Variants in SCN4A observed in about 807,000 individuals in gnomAD.
The protein encoded by SCN4A is sodium voltage-gated channel alpha subunit 4, also known as sodium channel protein type 4 subunit alpha.
SCN4A carries 83 observed loss-of-function variants against 162.0 expected under a neutral mutation model. The ratio of observed to expected loss-of-function variants is 0.51; its 90% CI spans 0.43 to 0.61. The LOEUF (loss-of-function observed/expected upper bound fraction) is 0.61. Among genes scored for constraint, SCN4A ranks in the 20% least tolerant of loss-of-function variants. The pLI is 0.00. For missense variants in SCN4A, 2,196 were observed against 2,462.5 expected (o/e 0.89, Z 2.29); for synonymous variants, 944 against 985.1 (o/e 0.96, Z 0.78).
rs1010260651 is a variant in SCN4A, at chr17:63,945,257, G to A, written c.3720+103C>T. 8 of 1,099,670 alleles carry A rather than the reference G, an allele frequency of 7.3e-6. No homozygotes were observed. The highest frequency in any genetic ancestry group is 3.1e-5 in the African/African-American group (2 of 64,674). The allele number at this position is 1,099,670 out of a possible 1,614,324, so 68.1% of individuals were successfully genotyped here. A position where few individuals can be genotyped will look rare whatever the true frequency, so the allele number is the denominator to read the frequency against. On this transcript the variant is annotated intron_variant, in intron 19 of 23. Transcript: ENST00000435607. The surrounding 1 kb of genome is among the most constrained non-coding windows in gnomAD (Gnocchi z 4.4). The stretch of plus-strand genomic sequence containing the variant: ...CCACAGCATTGGAAGCAGGGTGGGC[G>A]GTCCCCTAACCAGGAGTGACACTGG...
chr17:63,943,399 A>G (rs756881228), intron 22 of SCN4A, among the ~76,000 whole-genome samples: 2 of 152,010 alleles, frequency 1.3e-5, no homozygotes, highest in Admixed American at 6.5e-5. Context: ...GCTCCTGGGT[A>G]GGGTGTCTGG....
rs140517911 is a variant in SCN4A, at chr17:63,941,763, C to T, written c.4519G>A (p.Val1507Ile). The T allele has an allele frequency of 5.4e-5, 87 of 1,614,118 alleles. No individual in the cohort carries two copies. The highest frequency in any genetic ancestry group is 3.7e-4 in the African/African-American group (28 of 75,028). The change falls in exon 24 of 24, where the codon GTC becomes ATC. Residue 1507 changes from valine to isoleucine, a missense_variant. Coordinates refer to ENST00000435607, the MANE Select transcript of SCN4A (RefSeq NM_000334.4). The surrounding 1 kb of genome is among the most constrained non-coding windows in gnomAD (Gnocchi z 6.2). ...SIFGMSNFAY[V>I]KKESGIDDMF... Reference sequence around the variant, plus strand: ...TCATCGATGCCCGACTCCTTCTTGACGTAGGCAAAGTTGGACATGCCGAAG... The same window carrying T: ...TCATCGATGCCCGACTCCTTCTTGATGTAGGCAAAGTTGGACATGCCGAAG...
At chr17:63,954,074 G>A (rs773921528) in intron 13 of SCN4A, among the ~76,000 whole-genome samples, 2 of 152,164 alleles carry the variant, frequency 1.3e-5, no homozygotes, top group Non-Finnish European at 2.9e-5. Flanking sequence ...GGGAGTGAGA[G>A]GGCATGGGGA....
intron 18 of SCN4A, among the ~76,000 whole-genome samples, chr17:63,946,833 C>T (rs1414274934): frequency 6.6e-6 from 1 of 151,972 alleles, no homozygotes; most frequent in African/African-American, 2.4e-5. Flanking sequence ...GGATCGGGGG[C>T]TGAGAGTGGG....
Position 63,968,345 on chromosome 17 carries a change from C to T in SCN4A, c.714G>A (p.Thr238=), listed in dbSNP as rs768454457. The change falls in exon 6 of 24, where the codon ACG becomes ACA. Residue 238 remains threonine (T), a synonymous_variant. Coordinates refer to ENST00000435607, the MANE Select transcript of SCN4A (RefSeq NM_000334.4). ...CCGACTGGATCAGGGCCCCCACGAT[C>T]GTCTTCAGCCCTGACCGCAGAGAGG... The part of the protein sequence containing the change: ...KTITVIPGLK[T]IVGALIQSVK... 1.2e-5 allele frequency: 19 copies of T among 1,596,598 alleles called. No homozygotes were observed. The highest frequency in any genetic ancestry group is 6.8e-5 in the South Asian group (6 of 88,230).
At chr17:63,949,115 T>C (rs372395281) in intron 15 of SCN4A, among the ~76,000 whole-genome samples, 1 of 151,620 alleles carries the variant, frequency 6.6e-6, no homozygotes, top group Non-Finnish European at 1.5e-5. Context: ...TCCAGTGCCA[T>C]GTCCTGAAGG....
chr17:63,965,466 T>C (rs1243793007), intron 8 of SCN4A, among the ~76,000 whole-genome samples: 1 of 151,882 alleles, frequency 6.6e-6, no homozygotes, highest in East Asian at 2.0e-4. Context: ...AGAAGGCAAA[T>C]AAAGTATGGG....
rs768459689 is a variant in SCN4A at position 63,948,670 on chromosome 17, C to A, written c.3085G>T (p.Glu1029Ter). The A allele has an allele frequency of 1.2e-6, 2 of 1,613,670 alleles. No individual in the cohort carries two copies. Among genetic ancestry groups the A allele is most frequent in the Admixed American group, 1.7e-5 (1 of 59,990 alleles). ...ATGAAGGTCTCGAACCAGTTGTGCT[C>A]GACAATCTTGAAGCAGGCCCTGCGC... ...TLRRACFKIVEHNWFETFIVF... is the reference protein window; with the variant it reads ...TLRRACFKIV Residue 1029 changes from glutamate to a stop codon, truncating the protein, a stop_gained, in exon 16 of 24, where the codon GAG becomes TAG. Transcript: ENST00000435607. LOFTEE classifies it high-confidence loss of function.
Position 63,972,548 on chromosome 17 carries a change from GA to G in SCN4A, c.273+20del. The G allele has an allele frequency of 6.3e-7, 1 of 1,595,090 alleles. No homozygotes were observed. The highest frequency in any genetic ancestry group is 1.1e-5 in the South Asian group (1 of 88,840). On this transcript the variant is annotated intron_variant, in intron 1 of 23. Coordinates refer to ENST00000435607, the MANE Select transcript of SCN4A (RefSeq NM_000334.4). The surrounding 1 kb of genome is among the most constrained non-coding windows in gnomAD (Gnocchi z 4.3). ...ATGGATGGATGGCAGACAGACAGAG[GA>G]AGCCTTCCCAGGCCCAGACCTTCTT...
chr17:63,952,327 T>A (rs1183946802), intron 13 of SCN4A, among the ~76,000 whole-genome samples: 3 of 151,848 alleles, frequency 2.0e-5, no homozygotes, highest in Non-Finnish European at 4.4e-5. Context: ...GCCCAGCTAA[T>A]CTTTGTATTT....
chr17:63,951,979 C>T lies in SCN4A; in HGVS notation c.2377-79G>A. 1.2e-6 allele frequency: 1 copy of T among 835,534 alleles called. No individual in the cohort carries two copies. Among genetic ancestry groups the T allele is most frequent in the Non-Finnish European group, 1.8e-6 (1 of 548,038 alleles). 51.8% of individuals were successfully genotyped at this position (835,534 alleles called of 1,614,324 possible). A position where few individuals can be genotyped will look rare whatever the true frequency, so the allele number is the denominator to read the frequency against. On this transcript the variant is annotated intron_variant, in intron 13 of 23. Transcript: ENST00000435607. This position sits in a 1 kb window ranked among gnomAD's most constrained non-coding sequence, Gnocchi z 4.5. ...GCCACCTTCAGCCAGCACAGGGGTC[C>T]TCGGTCTACAGATCCAAACTACCAC...
Position 63,941,770 on chromosome 17 carries a change from A to G in SCN4A, c.4512T>C (p.Phe1504=), listed in dbSNP as rs1262828218. ...FIYSIFGMSN[F]AYVKKESGID... is the part of the protein sequence containing the mutation. The stretch of plus-strand genomic sequence containing the variant: ...TGCCCGACTCCTTCTTGACGTAGGC[A>G]AAGTTGGACATGCCGAAGATGGAGT... Residue 1504 remains phenylalanine, a synonymous_variant, in exon 24 of 24, where the codon TTT becomes TTC. Coordinates refer to ENST00000435607, the MANE Select transcript of SCN4A (RefSeq NM_000334.4). The surrounding 1 kb of genome is among the most constrained non-coding windows in gnomAD (Gnocchi z 6.2). The G allele has an allele frequency of 2.5e-6, 4 of 1,613,988 alleles. No individual in the cohort carries two copies. The highest frequency in any genetic ancestry group is 3.4e-6 in the Non-Finnish European group (4 of 1,180,028).
At position 63,950,646 on chromosome 17, in the gene SCN4A, T is replaced by C. The variant is rs1179535009; in HGVS notation, c.2853+778A>G. On this transcript the variant is annotated intron_variant, in intron 14 of 23. Coordinates refer to ENST00000435607, the MANE Select transcript of SCN4A (RefSeq NM_000334.4). This position sits in a 1 kb window ranked among gnomAD's most constrained non-coding sequence, Gnocchi z 4.6. ...TAGGCTCAGGCTGATGGTGCAGGGGTGGGCAGGGGCCCTCGTCCTAGCTCC... is the reference window on the plus strand; with the variant it reads ...TAGGCTCAGGCTGATGGTGCAGGGGCGGGCAGGGGCCCTCGTCCTAGCTCC... 5.3e-5 allele frequency among the ~76,000 whole-genome samples: 8 copies of C among 152,114 alleles called. No individual in the cohort carries two copies. The highest frequency in any genetic ancestry group is 5.2e-4 in the Admixed American group (8 of 15,266).
chr17:63,942,727 G>T, intron 23 of SCN4A, 99 bp downstream of exon 23: 1 of 1,216,352 alleles, frequency 8.2e-7, no homozygotes, highest in Non-Finnish European at 1.2e-6. Flanking sequence ...GTCTGGGTGA[G>T]CGTGTGAGGG....
At position 63,966,494 on chromosome 17, in the gene SCN4A, T is replaced by C; in HGVS notation, c.1087A>G (p.Ser363Gly). 1 of 1,613,928 alleles carries C rather than the reference T, an allele frequency of 6.2e-7. No homozygotes were observed. The highest frequency in any genetic ancestry group is 8.5e-7 in the Non-Finnish European group (1 of 1,179,816). ...AGCATCACTCACCCAGCATCACTGC[T>C]GTTCCCACAGAGCAGGGCATCGTTG... ...GSNDALLCGN[S>G]SDAGHCPEGY... The change falls in exon 7 of 24, where the codon AGC (serine) becomes GGC (glycine). Residue 363 changes from serine (S) to glycine (G), a missense_variant. Ser to Gly is a moderately conservative substitution (Grantham distance 56). Transcript: ENST00000435607.
intron 5 of SCN4A, among the ~76,000 whole-genome samples, chr17:63,968,725 C>T (rs911484871): frequency 1.3e-5 from 2 of 152,082 alleles, no homozygotes; most frequent in Non-Finnish European, 2.9e-5. Flanking sequence ...AAAAAGGGGG[C>T]GTTGATAATG....
rs1422144808 is a variant in SCN4A, at chr17:63,949,454, G to GTCC, written c.2925_2927dup (p.Glu975dup). 2 of 1,610,028 alleles carry GTCC rather than the reference G, an allele frequency of 1.2e-6. No individual in the cohort carries two copies. Among genetic ancestry groups the GTCC allele is most frequent in the Non-Finnish European group, 1.7e-6 (2 of 1,178,160 alleles). Reference sequence around the variant, plus strand: ...GGTTCTCCTCTGCCTGCTCCTCAGGGTCCTCCTCGGGGGGCTTGTAGTCAG... The same window carrying GTCC: ...GGTTCTCCTCTGCCTGCTCCTCAGGGTCCTCCTCCTCGGGGGGCTTGTAGTCAG... On this transcript the variant is annotated inframe_insertion, in exon 15 of 24. Transcript: ENST00000435607.
Position 63,961,442 on chromosome 17 carries a change from G to A in SCN4A, c.1607-11C>T. On this transcript the variant is annotated splice_polypyrimidine_tract_variant and intron_variant, in intron 10 of 23. Transcript: ENST00000435607. The stretch of plus-strand genomic sequence containing the variant: ...GGGCCTCTTCCAGTTCTGGGAGAGG[G>A]GTGGTAGCAGGTATCTGGTGAGGAT... 3 of 1,580,134 alleles carry A rather than the reference G, an allele frequency of 1.9e-6. No homozygotes were observed. Among genetic ancestry groups the A allele is most frequent in the Non-Finnish European group, 2.6e-6 (3 of 1,149,564 alleles).
At chr17:63,957,638 A>G in intron 12 of SCN4A, 120 bp from the exon 13 acceptor site, 1 of 657,256 alleles carries the variant, frequency 1.5e-6, no homozygotes, top group South Asian at 1.9e-5. Flanking sequence ...ACACCATCTG[A>G]GTCCTCAGTG....
Sources: gnomAD v4.1 joint callset for allele counts (sites outside exome capture counted in the v4.1 genomes callset) on GRCh38, gnomAD v4.1.1 for gene constraint, Gnocchi (gnomAD v3.1) non-coding constraint, MANE v1.5 for transcripts, NCBI Gene and HGNC (gene_info 2026-07-23, HGNC 2026-07-21) for gene names.